SMYD3: variants seen among roughly 807,000 people sequenced by gnomAD.
The protein encoded by SMYD3 is histone-lysine N-methyltransferase SMYD3.
In SMYD3, 36 loss-of-function variants were observed where a neutral mutation model predicts 57.7. The ratio of observed to expected loss-of-function variants is 0.62; its 90% CI spans 0.48 to 0.82. SMYD3 has a LOEUF of 0.82. Ranked by LOEUF, SMYD3 falls within the 40% of genes least tolerant of loss-of-function variation. The pLI is 0.00. For synonymous variants in SMYD3, 211 were observed against 195.0 expected (o/e 1.08, Z -0.68); for missense variants, 515 against 538.8 (o/e 0.96, Z 0.44).
At chr1:246,399,627 G>C (rs1335487478) in intron 1 of SMYD3, among the ~76,000 whole-genome samples, 1 of 152,124 alleles carries the variant, frequency 6.6e-6, no homozygotes, top group South Asian at 2.1e-4. Context: ...CTACAGGCGT[G>C]AGCTACCATG....
At chr1:245,929,602 C>T (rs2056599593) in intron 6 of SMYD3, among the ~76,000 whole-genome samples, 1 of 152,222 alleles carries the variant, frequency 6.6e-6, no homozygotes, top group African/African-American at 2.4e-5. Flanking sequence ...ACCCACCGTC[C>T]TCAACTTCTT....
chr1:246,088,563 TCA>T (rs2060765958), intron 5 of SMYD3, among the ~76,000 whole-genome samples: 2 of 138,942 alleles, frequency 1.4e-5, no homozygotes, highest in Admixed American at 7.1e-5. Flanking sequence ...TGAGCCGAGA[TCA>T]TGCCACTGCA....
intron 1 of SMYD3, among the ~76,000 whole-genome samples, chr1:246,433,744 A>T (rs2067331683): frequency 6.6e-6 from 1 of 152,218 alleles, no homozygotes; most frequent in Non-Finnish European, 1.5e-5. Flanking sequence ...AACTACCAAC[A>T]TCATTTTTCA....
rs771804322 is a variant in SMYD3, at chr1:246,181,379, C to CA, written c.531+145821_531+145822insT. Among the ~76,000 whole-genome samples, 8 of 152,324 alleles carry CA rather than the reference C, an allele frequency of 5.3e-5. No individual in the cohort carries two copies. In the East Asian group the frequency reaches 1.2e-3, roughly 22 times the overall value. On this transcript the variant is annotated intron_variant, in intron 5 of 11. Transcript: ENST00000490107. ...AGCTGTGATGTAAGGAATCTGTGTA[C>CA]TTACAAAACTAATGCAAAGCATTTC...
chr1:246,151,170 C>T (rs1483335184), intron 5 of SMYD3, among the ~76,000 whole-genome samples: 1 of 151,286 alleles, frequency 6.6e-6, no homozygotes, highest in Non-Finnish European at 1.5e-5. Context: ...TGCTTGAATT[C>T]AGGGGACAGA....
chr1:245,881,679 T>C (rs143947557), intron 8 of SMYD3, among the ~76,000 whole-genome samples: 14 of 152,198 alleles, frequency 9.2e-5, no homozygotes, highest in African/African-American at 3.1e-4. Context: ...ACAGCAAATA[T>C]AAAAATGATA....
At chr1:246,216,617 T>C (rs1439622806) in intron 5 of SMYD3, among the ~76,000 whole-genome samples, 1 of 152,126 alleles carries the variant, frequency 6.6e-6, no homozygotes, top group African/African-American at 2.4e-5. Flanking sequence ...AGGTGCTAAA[T>C]TTCTGGTTGT....
At position 246,427,297 on chromosome 1, in the gene SMYD3, G is replaced by T. The variant is rs538551837; in HGVS notation, c.165-72203C>A. Among the ~76,000 whole-genome samples, 54 of 152,118 alleles carry T rather than the reference G, an allele frequency of 3.5e-4. No individual in the cohort carries two copies. The East Asian group carries it at 8.7e-3, about 24-fold the overall frequency. ...GCACTTTGGGAGGCCGAGGCGGGCG[G>T]ATCACGAGGTCAGGAGATCGAGACC... On this transcript the variant is annotated intron_variant, in intron 1 of 11. Transcript: ENST00000490107.
At chr1:246,300,746 T>C (rs2064880576) in intron 5 of SMYD3, among the ~76,000 whole-genome samples, 1 of 152,122 alleles carries the variant, frequency 6.6e-6, no homozygotes, top group Non-Finnish European at 1.5e-5. Flanking sequence ...CCCATAGAAC[T>C]GTTGTGAAGA....
chr1:246,263,177 G>A (rs895612882), intron 5 of SMYD3, among the ~76,000 whole-genome samples: 1 of 152,170 alleles, frequency 6.6e-6, no homozygotes, highest in South Asian at 2.1e-4. Context: ...TTTGTAGTCA[G>A]ACATGGATAA....
intron 5 of SMYD3, among the ~76,000 whole-genome samples, chr1:246,001,894 T>C (rs1316314058): frequency 1.3e-5 from 2 of 152,158 alleles, no homozygotes; most frequent in Non-Finnish European, 2.9e-5. Flanking sequence ...CTCTTTCCTT[T>C]GTTCAGAACA....
At chr1:245,948,943 T>C (rs1308362351) in intron 5 of SMYD3, among the ~76,000 whole-genome samples, 1 of 152,172 alleles carries the variant, frequency 6.6e-6, no homozygotes, top group Non-Finnish European at 1.5e-5. Flanking sequence ...CATCCACCAC[T>C]GTGGGCAGCT....
At chr1:246,007,572 G>A (rs1358544842) in intron 5 of SMYD3, among the ~76,000 whole-genome samples, 2 of 152,070 alleles carry the variant, frequency 1.3e-5, no homozygotes, top group African/African-American at 4.8e-5. Flanking sequence ...TATTTCGGGA[G>A]GTCTATGTGG....
chr1:246,249,382 G>T (rs1288980186), intron 5 of SMYD3, among the ~76,000 whole-genome samples: 1 of 152,126 alleles, frequency 6.6e-6, no homozygotes, highest in Non-Finnish European at 1.5e-5. Flanking sequence ...GGGATTACAG[G>T]CATGAGCCAC....
At chr1:246,483,291 A>G (rs1306100003) in intron 1 of SMYD3, 1 of 152,222 alleles carries the variant, frequency 6.6e-6, no homozygotes, top group Non-Finnish European at 1.5e-5. Flanking sequence ...TAATTCAAGC[A>G]AAACATTAAA....
chr1:246,243,628 G>A (rs1433967255), intron 5 of SMYD3, among the ~76,000 whole-genome samples: 2 of 151,666 alleles, frequency 1.3e-5, no homozygotes, highest in African/African-American at 2.4e-5. Flanking sequence ...GAATATTCTG[G>A]GAGGTTTCCT....
chr1:246,506,009 C>T (rs1228419654), intron 1 of SMYD3, among the ~76,000 whole-genome samples: 2 of 152,198 alleles, frequency 1.3e-5, no homozygotes, highest in Non-Finnish European at 1.5e-5. Context: ...CTCTAAAATG[C>T]AAAGTCATAT....
chr1:246,072,865 T>C (rs1307089678), intron 5 of SMYD3, among the ~76,000 whole-genome samples: 2 of 152,226 alleles, frequency 1.3e-5, no homozygotes, highest in Non-Finnish European at 2.9e-5. Flanking sequence ...ATCACAATGC[T>C]GCTTTGTGTA....
chr1:246,063,748 T>G (rs2060294133), intron 5 of SMYD3, among the ~76,000 whole-genome samples: 1 of 152,008 alleles, frequency 6.6e-6, no homozygotes. Context: ...CAAGCAATTC[T>G]CCTGCCTCAG....
Sources: gnomAD v4.1 joint callset for allele counts (sites outside exome capture counted in the v4.1 genomes callset) on GRCh38, gnomAD v4.1.1 for gene constraint, MANE v1.5 for transcripts, NCBI Gene and HGNC (gene_info 2026-07-23, HGNC 2026-07-21) for gene names.